Variants in MYZAP observed in about 807,000 individuals in gnomAD.
MYZAP encodes the protein myocardial zonula adherens protein, also known as GRINL1A complex locus upstream.
Under a neutral mutation model 69.4 loss-of-function variants are expected in MYZAP, and 66 were observed. That is an observed-to-expected ratio of 0.95 (90% confidence interval 0.78 to 1.17). The LOEUF is 1.17. Among genes scored for constraint, MYZAP ranks in the 50% most tolerant of loss-of-function variants. The probability of loss-of-function intolerance (pLI) is 0.00; values close to 1 mark genes in which losing one functional copy is unlikely to be tolerated. For synonymous variants in MYZAP, 256 were observed against 205.9 expected (o/e 1.24, Z -2.09); for missense variants, 611 against 556.2 (o/e 1.10, Z -0.99).
rs146505887 is a variant in MYZAP, at chr15:57,675,022, G to A, written c.1258G>A (p.Glu420Lys). The stretch of plus-strand genomic sequence containing the variant: ...TTTAACAGAAACCCAGGCCAAGACC[G>A]AAGTGGAAACCAGAGAGATAGGAGT... ...DYLTETQAKT[E>K]VETREIGVGC... Residue 420 changes from glutamate (E) to lysine (K), a missense_variant, in exon 12 of 13, where the codon GAA becomes AAA. Physicochemically the swap from Glu to Lys is moderately conservative, Grantham distance 56. Transcript: ENST00000267853. The A allele has an allele frequency of 1.1e-4, 176 of 1,613,564 alleles. No homozygotes were observed. The African/African-American group carries it at 1.1e-3, about 10-fold the overall frequency.
chr15:57,611,256 A>G (rs2035085106), intron 2 of MYZAP, among the ~76,000 whole-genome samples: 1 of 152,168 alleles, frequency 6.6e-6, no homozygotes, highest in East Asian at 1.9e-4. Context: ...CACAGCTAGT[A>G]GATAGTGGAT....
At chr15:57,644,049 A>G (rs975194764) in intron 10 of MYZAP, among the ~76,000 whole-genome samples, 9 of 152,236 alleles carry the variant, frequency 5.9e-5, no homozygotes, top group African/African-American at 7.2e-5. Context: ...GGGAGCTTTA[A>G]GACATGCCTG....
At chr15:57,632,689 G>C in intron 7 of MYZAP, 130 bp downstream of exon 7, 1 of 1,441,986 alleles carries the variant, frequency 6.9e-7, no homozygotes, top group African/African-American at 1.4e-5. Context: ...AGGGATCAAG[G>C]AATTATTCAT....
At chr15:57,640,855 G>A (rs1402354153) in intron 10 of MYZAP, among the ~76,000 whole-genome samples, 23 of 152,198 alleles carry the variant, frequency 1.5e-4, no homozygotes, top group African/African-American at 5.5e-4. Flanking sequence ...CTTTGCAATC[G>A]TTTTGTGCAT....
chr15:57,671,522 GTTAGGCTTT>G (rs1298372564), intron 11 of MYZAP, among the ~76,000 whole-genome samples: 1 of 152,028 alleles, frequency 6.6e-6, no homozygotes, highest in African/African-American at 2.4e-5. Context: ...AAACCCGTAT[GTTAGGCTTT>G]TCAAATTGCT....
At chr15:57,604,207 A>C in intron 1 of MYZAP, 62 bp from the exon 2 acceptor site, 1 of 1,571,158 alleles carries the variant, frequency 6.4e-7, no homozygotes, top group Non-Finnish European at 8.7e-7. Context: ...GCCCAAGGTC[A>C]TCTGGCTCTT....
intron 10 of MYZAP, chr15:57,646,323 A>G: frequency 8.3e-7 from 1 of 1,204,124 alleles, no homozygotes; most frequent in Non-Finnish European, 1.1e-6. Context: ...GGAAGGACAT[A>G]TTATTTAAAG....
intron 10 of MYZAP, chr15:57,648,459 C>T: frequency 2.0e-6 from 2 of 985,408 alleles, no homozygotes; most frequent in Non-Finnish European, 2.4e-6. Context: ...ACGAATGCTT[C>T]TCTCATTCCA....
rs752611128 is a variant in MYZAP, at chr15:57,632,554, C to T, written c.799C>T (p.Leu267Phe). Reference protein sequence around the residue: ...QRKHSAEKEALLEETNSFLKA... With the variant: ...QRKHSAEKEAFLEETNSFLKA... ...GAAGCACAGTGCTGAGAAGGAGGCT[C>T]TTTTGGTGTGTGTGTTGTAGCTGCC... Residue 267 changes from leucine to phenylalanine, a missense_variant, in exon 7 of 13, where the codon CTT becomes TTT. Leu to Phe is a conservative substitution (Grantham distance 22). Transcript: ENST00000267853. The T allele has an allele frequency of 3.1e-6, 5 of 1,613,944 alleles. No homozygotes were observed. Among genetic ancestry groups the T allele is most frequent in the South Asian group, 1.1e-5 (1 of 91,038 alleles).
chr15:57,593,188 G>GCACACACACACACACACA (rs199705290), intron 1 of MYZAP, among the ~76,000 whole-genome samples: 1 of 114,146 alleles, frequency 8.8e-6, no homozygotes, highest in African/African-American at 3.4e-5. Context: ...GTACACAGGC[G>GCACACACACACACACACA]CACACACACA....
intron 4 of MYZAP, among the ~76,000 whole-genome samples, chr15:57,624,977 G>C (rs1340893368): frequency 6.6e-6 from 1 of 151,790 alleles, no homozygotes; most frequent in Non-Finnish European, 1.5e-5. Context: ...TCTAGGTCAA[G>C]AATGGCTTCT....
At chr15:57,622,818 T>C (rs1441270349) in intron 4 of MYZAP, among the ~76,000 whole-genome samples, 1 of 152,190 alleles carries the variant, frequency 6.6e-6, no homozygotes, top group Non-Finnish European at 1.5e-5. Flanking sequence ...CTTATTATGA[T>C]ATAAAATCCC....
chr15:57,604,544 T>C (rs1339356567), intron 2 of MYZAP, among the ~76,000 whole-genome samples, 189 bp downstream of exon 2: 3 of 152,142 alleles, frequency 2.0e-5, no homozygotes, highest in African/African-American at 7.2e-5. Flanking sequence ...TAGCCGGCTC[T>C]GCCACCGACG....
chr15:57,629,647 C>G, intron 5 of MYZAP, 55 bp from the exon 6 acceptor site: 1 of 1,586,368 alleles, frequency 6.3e-7, no homozygotes, highest in Admixed American at 1.8e-5. Flanking sequence ...TGTGGTGCAG[C>G]CCATGTGTTT....
Position 57,674,991 on chromosome 15 carries a change from G to A in MYZAP, c.1227G>A (p.Leu409=), listed in dbSNP as rs568284078. The A allele has an allele frequency of 2.5e-6, 4 of 1,613,434 alleles. No homozygotes were observed. The highest frequency in any genetic ancestry group is 2.2e-5 in the South Asian group (2 of 91,034). The change falls in exon 12 of 13, where the codon TTG becomes TTA. Residue 409 remains leucine, a synonymous_variant. Transcript: ENST00000267853. ...AGAATAATGAACTACAAAGCAGGTTGGACTATTTAACAGAAACCCAGGCCA... is the reference window on the plus strand; with the variant it reads ...AGAATAATGAACTACAAAGCAGGTTAGACTATTTAACAGAAACCCAGGCCA... ...EGENNELQSR[L]DYLTETQAKT... is the part of the protein sequence containing the mutation.
chr15:57,679,722 G>A (rs1337484390), intron 12 of MYZAP, among the ~76,000 whole-genome samples: 2 of 151,948 alleles, frequency 1.3e-5, no homozygotes, highest in African/African-American at 4.8e-5. Flanking sequence ...TCTTGGTTCC[G>A]GTACTTTCTG....
intron 2 of MYZAP, among the ~76,000 whole-genome samples, chr15:57,606,156 C>T (rs1043166501): frequency 7.9e-5 from 12 of 152,170 alleles, no homozygotes; most frequent in East Asian, 7.7e-4. Context: ...CAGCGGATTA[C>T]TGATTCTAAA....
intron 10 of MYZAP, among the ~76,000 whole-genome samples, chr15:57,642,945 T>C (rs1375478945): frequency 1.3e-5 from 2 of 152,124 alleles, no homozygotes; most frequent in East Asian, 3.9e-4. Context: ...GTCAAGGTCA[T>C]TGAGAAAAGA....
At chr15:57,662,572 G>C (rs904054668) in intron 11 of MYZAP, among the ~76,000 whole-genome samples, 1 of 152,206 alleles carries the variant, frequency 6.6e-6, no homozygotes, top group Non-Finnish European at 1.5e-5. Context: ...ATGTGTGGGT[G>C]ACAGTGAAAT....
Sources: gnomAD v4.1 joint callset for allele counts (sites outside exome capture counted in the v4.1 genomes callset) on GRCh38, gnomAD v4.1.1 for gene constraint, MANE v1.5 for transcripts, NCBI Gene and HGNC (gene_info 2026-07-23, HGNC 2026-07-21) for gene names.